The following IBTK variants were observed in gnomAD, a reference collection of about 807,000 sequenced individuals.
The protein encoded by IBTK is inhibitor of Bruton tyrosine kinase, also known as BTK-binding protein.
In IBTK, 83 loss-of-function variants were observed where a neutral mutation model predicts 154.9. The ratio of observed to expected loss-of-function variants is 0.54; its 90% CI spans 0.45 to 0.64. The LOEUF (loss-of-function observed/expected upper bound fraction) is 0.64, where lower values mean the gene tolerates loss of function less well. IBTK is among the 30% of genes least tolerant of loss of function. IBTK has a pLI of 0.00. For synonymous variants in IBTK, 515 were observed against 536.1 expected (o/e 0.96, Z 0.54); for missense variants, 1,332 against 1,584.6 (o/e 0.84, Z 2.71).
chr6:82,244,858 C>T (rs1771084730), intron 1 of IBTK, among the ~76,000 whole-genome samples: 2 of 151,910 alleles, frequency 1.3e-5, no homozygotes, highest in Non-Finnish European at 2.9e-5. Context: ...ACTTCAAATA[C>T]AGATCTGTTT....
intron 16 of IBTK, among the ~76,000 whole-genome samples, chr6:82,209,931 T>C (rs889487735): frequency 3.9e-5 from 6 of 152,142 alleles, no homozygotes; most frequent in African/African-American, 1.4e-4. Context: ...ATTATATTTG[T>C]TTTCTTATAC....
At chr6:82,217,377 G>C (rs1468337755) in intron 10 of IBTK, among the ~76,000 whole-genome samples, 1 of 152,074 alleles carries the variant, frequency 6.6e-6, no homozygotes, top group Admixed American at 6.6e-5. Flanking sequence ...AACTTATTAT[G>C]TGGATATTAA....
intron 16 of IBTK, among the ~76,000 whole-genome samples, chr6:82,208,199 A>C (rs576021113): frequency 4.6e-4 from 69 of 151,358 alleles, no homozygotes; most frequent in African/African-American, 1.2e-3. Flanking sequence ...CTCTCTCTAT[A>C]TATATAAATA....
intron 2 of IBTK, among the ~76,000 whole-genome samples, chr6:82,238,184 C>T (rs1241843870): frequency 2.6e-5 from 4 of 151,788 alleles, no homozygotes; most frequent in Non-Finnish European, 5.9e-5. Flanking sequence ...GTGGAGGTTG[C>T]AGTGAGCGGA....
At chr6:82,237,467 G>A (rs1017094127) in intron 2 of IBTK, among the ~76,000 whole-genome samples, 3 of 152,008 alleles carry the variant, frequency 2.0e-5, no homozygotes, top group African/African-American at 7.3e-5. Context: ...AAAGGAAAGT[G>A]CTATTATTAC....
At chr6:82,204,779 G>GAATC in intron 17 of IBTK, 78 bp downstream of exon 17, 2 of 817,976 alleles carry the variant, frequency 2.4e-6, no homozygotes, top group Non-Finnish European at 3.6e-6. Context: ...ACCATAAGTG[G>GAATC]AATCATAAAG....
chr6:82,187,605 C>T (rs747947173), intron 25 of IBTK, among the ~76,000 whole-genome samples: 24 of 140,668 alleles, frequency 1.7e-4, no homozygotes, highest in Admixed American at 4.9e-4. Flanking sequence ...AAACTGATGT[C>T]GCCGAGTGGA....
Position 82,201,318 on chromosome 6 carries a change from G to A in IBTK, c.2790+104C>T, listed in dbSNP as rs1000208716. The A allele has an allele frequency of 3.4e-5, 23 of 678,634 alleles. No homozygotes were observed. In the African/African-American group the frequency reaches 4.1e-4, roughly 12 times the overall value. The allele number at this position is 678,634 out of a possible 1,614,324, so 42.0% of individuals were successfully genotyped here. On this transcript the variant is annotated intron_variant, in intron 19 of 28. Coordinates refer to ENST00000306270, the MANE Select transcript of IBTK (RefSeq NM_015525.4). ...ATCATCAGTTTTAAAAGATCCTAAT[G>A]TACTAGAAGTCATTAGGAAACTATT...
intron 9 of IBTK, among the ~76,000 whole-genome samples, chr6:82,218,668 A>T (rs1769961678): frequency 6.6e-6 from 1 of 152,246 alleles, no homozygotes; most frequent in Admixed American, 6.5e-5. Flanking sequence ...CCTGAAAAGT[A>T]GCTCCAGGGG....
At chr6:82,192,952 G>C (rs2127803778) in intron 23 of IBTK, among the ~76,000 whole-genome samples, 1 of 151,644 alleles carries the variant, frequency 6.6e-6, no homozygotes. Context: ...ACAAAAATTG[G>C]CTGAGCATGG....
intron 12 of IBTK, among the ~76,000 whole-genome samples, chr6:82,213,568 A>C (rs1769736103): frequency 6.6e-6 from 1 of 152,234 alleles, no homozygotes; most frequent in African/African-American, 2.4e-5. Context: ...AGTAAGAAGG[A>C]TCGCTTGAGC....
intron 25 of IBTK, among the ~76,000 whole-genome samples, chr6:82,186,259 T>C (rs1768552712): frequency 6.6e-6 from 1 of 152,194 alleles, no homozygotes; most frequent in African/African-American, 2.4e-5. Flanking sequence ...CAGTGGCCTC[T>C]AAGTGTTCAA....
intron 23 of IBTK, among the ~76,000 whole-genome samples, chr6:82,192,969 G>A (rs539342988): frequency 2.7e-4 from 41 of 151,772 alleles, no homozygotes; most frequent in Admixed American, 2.2e-3. Flanking sequence ...ATGGTGGCAC[G>A]CGCCTGTAGT....
At chr6:82,171,927 C>CT (rs1211394820) in intron 28 of IBTK, among the ~76,000 whole-genome samples, 9 of 152,170 alleles carry the variant, frequency 5.9e-5, no homozygotes, top group Non-Finnish European at 1.3e-4. Context: ...TACTATGCGT[C>CT]TTTTCTGTTT....
At chr6:82,234,622 C>T (rs889516507) in intron 2 of IBTK, among the ~76,000 whole-genome samples, 1 of 152,034 alleles carries the variant, frequency 6.6e-6, no homozygotes, top group Admixed American at 6.6e-5. Flanking sequence ...CAGGCTGAGC[C>T]ACCACACCTG....
At chr6:82,238,947 C>G (rs1770838442) in intron 2 of IBTK, among the ~76,000 whole-genome samples, 2 of 151,500 alleles carry the variant, frequency 1.3e-5, no homozygotes, top group African/African-American at 4.8e-5. Flanking sequence ...CTATGTTGGC[C>G]AGGCTTGTCT....
At chr6:82,239,883 G>A (rs1770876104) in intron 2 of IBTK, among the ~76,000 whole-genome samples, 1 of 151,962 alleles carries the variant, frequency 6.6e-6, no homozygotes, top group East Asian at 1.9e-4. Context: ...ATGATGTATG[G>A]GATTTAGTTC....
In IBTK at chr6:82,218,106, A is replaced by G; in HGVS notation, c.1280T>C (p.Leu427Pro). 6.3e-7 allele frequency: 1 copy of G among 1,590,746 alleles called. No individual in the cohort carries two copies. The highest frequency in any genetic ancestry group is 8.5e-7 in the Non-Finnish European group (1 of 1,170,948). ...VFCWRSVNSS[L>P]KQCRWAYPRQ... is the part of the protein sequence containing the mutation. Reference sequence around the variant, plus strand: ...TGGATAGGCCCATCGACACTGCTTCAGAGAACTGTTGACTGATCTCCAGCA... The same window carrying G: ...TGGATAGGCCCATCGACACTGCTTCGGAGAACTGTTGACTGATCTCCAGCA... Residue 427 changes from leucine (L) to proline (P), a missense_variant, in exon 10 of 29, where the codon CTG becomes CCG. By Grantham distance (98) the Leu-to-Pro change is moderately conservative (BLOSUM62 -3). Coordinates refer to ENST00000306270, the MANE Select transcript of IBTK (RefSeq NM_015525.4).
At chr6:82,221,718 A>T (rs1028628967) in intron 8 of IBTK, among the ~76,000 whole-genome samples, 1 of 152,226 alleles carries the variant, frequency 6.6e-6, no homozygotes, top group African/African-American at 2.4e-5. Flanking sequence ...ATTTAATGTT[A>T]TATAGGCAAG....
Sources: gnomAD v4.1 joint callset for allele counts (sites outside exome capture counted in the v4.1 genomes callset) on GRCh38, gnomAD v4.1.1 for gene constraint, MANE v1.5 for transcripts, NCBI Gene and HGNC (gene_info 2026-07-23, HGNC 2026-07-21) for gene names.